SLC12A8: variants seen among roughly 807,000 people sequenced by gnomAD.
SLC12A8 encodes the protein cation-chloride cotransporter 9.
In SLC12A8, 69 loss-of-function variants were observed where a neutral mutation model predicts 75.6. The ratio of observed to expected loss-of-function variants is 0.91; its 90% CI spans 0.75 to 1.11. SLC12A8 has a LOEUF of 1.11. Ranked by LOEUF, SLC12A8 falls within the 50% of genes most tolerant of loss-of-function variation. The pLI is 0.00. For missense variants in SLC12A8, 877 were observed against 896.7 expected (o/e 0.98, Z 0.28); for synonymous variants, 365 against 372.8 (o/e 0.98, Z 0.24).
At chr3:125,150,890 T>A (rs563976571) in intron 5 of SLC12A8, among the ~76,000 whole-genome samples, 1 of 152,220 alleles carries the variant, frequency 6.6e-6, no homozygotes, top group South Asian at 2.1e-4. Context: ...AGAGCTGACT[T>A]AAAAATCATG....
At chr3:125,110,397 C>G (rs567539615) in intron 8 of SLC12A8, 62 bp from the exon 9 acceptor site, 26 of 1,540,680 alleles carry the variant, frequency 1.7e-5, no homozygotes, top group Non-Finnish European at 2.2e-5. Flanking sequence ...TTCTACCCCC[C>G]CAGCACCCAC....
At chr3:125,186,448 C>T (rs981387495) in intron 4 of SLC12A8, among the ~76,000 whole-genome samples, 1 of 152,202 alleles carries the variant, frequency 6.6e-6, no homozygotes, top group Non-Finnish European at 1.5e-5. Context: ...CCGATGCTTT[C>T]TCTGGGGAGA....
chr3:125,140,697 CTTTT>C (rs71625781), intron 5 of SLC12A8, among the ~76,000 whole-genome samples: 5 of 148,054 alleles, frequency 3.4e-5, no homozygotes, highest in Admixed American at 3.4e-4. Context: ...CAGGAATTTC[CTTTT>C]TTTTTTTCTT....
chr3:125,141,751 C>A (rs1933645183), intron 5 of SLC12A8, among the ~76,000 whole-genome samples: 1 of 152,168 alleles, frequency 6.6e-6, no homozygotes, highest in Non-Finnish European at 1.5e-5. Context: ...CTGGGTCCCC[C>A]ACCCCTGGAC....
chr3:125,111,112 C>T (rs1939176094), intron 8 of SLC12A8, among the ~76,000 whole-genome samples: 1 of 152,234 alleles, frequency 6.6e-6, no homozygotes, highest in South Asian at 2.1e-4. Flanking sequence ...GCATCCCCAA[C>T]ATGATGTTAG....
chr3:125,102,552 T>C (rs1307578121), intron 10 of SLC12A8, among the ~76,000 whole-genome samples: 1 of 152,156 alleles, frequency 6.6e-6, no homozygotes, highest in Non-Finnish European at 1.5e-5. Context: ...CGGGAGAGTC[T>C]TGGAGACTTA....
At chr3:125,189,867 C>G (rs933788579) in intron 3 of SLC12A8, among the ~76,000 whole-genome samples, 3 of 152,146 alleles carry the variant, frequency 2.0e-5, no homozygotes, top group Non-Finnish European at 2.9e-5. Context: ...GGGAGATGAA[C>G]TGACCCCCAG....
intron 5 of SLC12A8, among the ~76,000 whole-genome samples, chr3:125,143,685 C>T (rs1484151442): frequency 6.6e-6 from 1 of 152,246 alleles, no homozygotes; most frequent in Non-Finnish European, 1.5e-5. Context: ...AGAGCCCTGC[C>T]TGGCCATGGG....
At chr3:125,185,741 T>C (rs1934766431) in intron 4 of SLC12A8, among the ~76,000 whole-genome samples, 2 of 152,068 alleles carry the variant, frequency 1.3e-5, no homozygotes, top group African/African-American at 4.8e-5. Flanking sequence ...AATTCAGCAA[T>C]TTATAAAAAG....
At chr3:125,177,241 C>T (rs898927593) in intron 5 of SLC12A8, among the ~76,000 whole-genome samples, 23 of 148,100 alleles carry the variant, frequency 1.6e-4, no homozygotes, top group Middle Eastern at 3.3e-3. Context: ...AACCAAACAC[C>T]GCATGTTCTC....
At chr3:125,167,124 G>C (rs1243914725) in intron 5 of SLC12A8, among the ~76,000 whole-genome samples, 1 of 151,936 alleles carries the variant, frequency 6.6e-6, no homozygotes, top group Non-Finnish European at 1.5e-5. Context: ...CTGTATACTT[G>C]AAAGCATTCA....
intron 5 of SLC12A8, 32 bp from the exon 6 acceptor site, chr3:125,135,814 C>T: frequency 7.7e-7 from 1 of 1,306,530 alleles, no homozygotes; most frequent in Non-Finnish European, 1.1e-6. Flanking sequence ...CAACGTAAGC[C>T]CAGTGAGAAG....
intron 6 of SLC12A8, chr3:125,125,757 C>T (rs1160208442): frequency 5.4e-6 from 1 of 184,446 alleles, no homozygotes; most frequent in South Asian, 1.8e-4. Context: ...TTTCCTGATT[C>T]CAAGTCAGTG....
intron 5 of SLC12A8, among the ~76,000 whole-genome samples, chr3:125,169,701 A>G (rs530475019): frequency 8.5e-5 from 13 of 152,320 alleles, no homozygotes; most frequent in Non-Finnish European, 1.6e-4. Flanking sequence ...GAGAATACGA[A>G]CTATACCAGA....
rs78608345 is a variant in SLC12A8, at chr3:125,175,902, G to A, written c.622+1841C>T. 8.7e-3 allele frequency among the ~76,000 whole-genome samples: 1,317 copies of A among 152,224 alleles called. 15 individuals carry two copies. The highest frequency in any genetic ancestry group is 0.029 in the African/African-American group (1,218 of 41,542). Reference sequence around the variant, plus strand: ...CCCTGGGGTTAACCCTTTAGGTGCCGGATCGTTGGGGCATCTGAAGGTTCC... The same window carrying A: ...CCCTGGGGTTAACCCTTTAGGTGCCAGATCGTTGGGGCATCTGAAGGTTCC... On this transcript the variant is annotated intron_variant, in intron 5 of 13. Coordinates refer to ENST00000469902, the MANE Select transcript of SLC12A8 (RefSeq NM_024628.6).
At chr3:125,131,607 C>G (rs920403914) in intron 6 of SLC12A8, among the ~76,000 whole-genome samples, 2 of 152,156 alleles carry the variant, frequency 1.3e-5, no homozygotes, top group Non-Finnish European at 1.5e-5. Flanking sequence ...AGGCTGGTCT[C>G]AAACTCCCGG....
rs115500956 is a variant in SLC12A8, at chr3:125,209,932, T to C, written c.51+1367A>G. On this transcript the variant is annotated intron_variant, in intron 2 of 13. Coordinates refer to ENST00000469902, the MANE Select transcript of SLC12A8 (RefSeq NM_024628.6). ...GAGTATGAATCATCCAATCAAGAAA[T>C]GGTACCTTAACAAGACAGTGCAGGG... Among the ~76,000 whole-genome samples, 1,448 of 152,162 alleles carry C rather than the reference T, an allele frequency of 9.5e-3. 10 individuals carry two copies. Among genetic ancestry groups the C allele is most frequent in the Non-Finnish European group, 0.016 (1,109 of 68,014 alleles).
chr3:125,091,730 T>C (rs1938586589), intron 11 of SLC12A8, among the ~76,000 whole-genome samples, 174 bp from the exon 12 acceptor site: 1 of 152,208 alleles, frequency 6.6e-6, no homozygotes, highest in South Asian at 2.1e-4. Context: ...AAGCAGATAT[T>C]TGGGCAGACA....
intron 6 of SLC12A8, among the ~76,000 whole-genome samples, chr3:125,133,681 C>T (rs375061102): frequency 2.0e-5 from 3 of 152,206 alleles, no homozygotes; most frequent in Non-Finnish European, 2.9e-5. Flanking sequence ...CTGCCTCAGC[C>T]TCCCAAAGTT....
Sources: gnomAD v4.1 joint callset for allele counts (sites outside exome capture counted in the v4.1 genomes callset) on GRCh38, gnomAD v4.1.1 for gene constraint, MANE v1.5 for transcripts, NCBI Gene and HGNC (gene_info 2026-07-23, HGNC 2026-07-21) for gene names.